Variants in SLC7A5 observed in about 807,000 individuals in gnomAD.
The protein encoded by SLC7A5 is large neutral amino acids transporter small subunit 1.
Under a neutral mutation model 50.2 loss-of-function variants are expected in SLC7A5, and 23 were observed. The observed-to-expected ratio is 0.46, with a 90% CI of 0.33 to 0.65. The LOEUF is 0.65. Among genes scored for constraint, SLC7A5 ranks in the 30% least tolerant of loss-of-function variants. SLC7A5 has a pLI of 0.02. For missense variants in SLC7A5, 578 were observed against 684.4 expected (o/e 0.84, Z 1.73); for synonymous variants, 393 against 330.6 (o/e 1.19, Z -2.05).
Position 87,841,050 on chromosome 16 carries a change from C to T in SLC7A5, c.770G>A (p.Trp257Ter). The stretch of plus-strand genomic sequence containing the variant: ...GGGACCCAGACATTCCAGAACCTAC[C>T]ATCCTCCATAGGCAAAGAGGCCGCT... ...LYSGLFAYGG[W>*]NYLNFVTEEM... is the part of the protein sequence containing the mutation. The change falls in exon 3 of 10, where the codon TGG becomes TAG. Residue 257 changes from tryptophan (W) to a stop codon, truncating the protein, a stop_gained and splice_region_variant. Transcript: ENST00000261622. LOFTEE classifies it high-confidence loss of function. The surrounding 1 kb of genome is among the most constrained non-coding windows in gnomAD (Gnocchi z 4.8). The T allele has an allele frequency of 1.2e-6, 2 of 1,608,076 alleles. No homozygotes were observed. Among genetic ancestry groups the T allele is most frequent in the Non-Finnish European group, 1.7e-6 (2 of 1,174,738 alleles).
rs1207023321 is a variant in SLC7A5 at position 87,852,673 on chromosome 16, T to C, written c.539-824A>G. On this transcript the variant is annotated intron_variant, in intron 1 of 9. Coordinates refer to ENST00000261622, the MANE Select transcript of SLC7A5 (RefSeq NM_003486.7). This position sits in a 1 kb window ranked among gnomAD's most constrained non-coding sequence, Gnocchi z 4.5. ...GTGTGTGTGTGTGTGTGTGTGTGTG[T>C]GTGTGTGTGTGTGTTGGGGGTTCTG... Among the ~76,000 whole-genome samples the C allele has an allele frequency of 2.3e-3, 339 of 150,156 alleles. 1 individual carries two copies. Among genetic ancestry groups the C allele is most frequent in the African/African-American group, 8.3e-3 (336 of 40,548 alleles).
intron 2 of SLC7A5, among the ~76,000 whole-genome samples, chr16:87,845,562 G>A (rs1334107343): frequency 8.2e-6 from 1 of 121,596 alleles, no homozygotes; most frequent in Admixed American, 8.3e-5. Flanking sequence ...GCCCACCCTA[G>A]GCCACGGCGC....
chr16:87,838,291 CTTTT>C (rs58144270), intron 6 of SLC7A5, among the ~76,000 whole-genome samples: 12 of 120,066 alleles, frequency 1.0e-4, no homozygotes, highest in African/African-American at 3.5e-4. Flanking sequence ...TTGCTGCTGC[CTTTT>C]TTTTTTTTTT....
rs573742855 is a variant in SLC7A5, at chr16:87,858,772, G to A, written c.539-6923C>T. On this transcript the variant is annotated intron_variant, in intron 1 of 9. Transcript: ENST00000261622. ...AAGCCAGTCCAACTCAACAGCAAGC[G>A]GAAGCAAATACCACACAATGAACTC... Among the ~76,000 whole-genome samples, 14 of 152,264 alleles carry A rather than the reference G, an allele frequency of 9.2e-5. No homozygotes were observed. The South Asian group carries it at 1.2e-3, about 14-fold the overall frequency.
chr16:87,846,220 G>A (rs2055152438), intron 2 of SLC7A5, among the ~76,000 whole-genome samples: 2 of 152,220 alleles, frequency 1.3e-5, no homozygotes, highest in African/African-American at 4.8e-5. Flanking sequence ...GTCTGTCCCT[G>A]CATGACCCTG....
At chr16:87,857,560 G>A (rs1222118544) in intron 1 of SLC7A5, among the ~76,000 whole-genome samples, 1 of 152,246 alleles carries the variant, frequency 6.6e-6, no homozygotes, top group East Asian at 1.9e-4. Flanking sequence ...TGGGATTACA[G>A]GCGTGAGCCA....
Position 87,836,540 on chromosome 16 carries a change from G to A in SLC7A5, c.1248C>T (p.Ile416=). The A allele has an allele frequency of 1.2e-6, 2 of 1,613,380 alleles. No individual in the cohort carries two copies. The highest frequency in any genetic ancestry group is 1.3e-5 in the African/African-American group (1 of 75,084). ...GCTCAGGCTTTCTGTGGCGCAGCCA[G>A]ATCATGCCGATGATGGCCAGGGCCA... ...LCVALAIIGM[I]WLRHRKPELE... Residue 416 remains isoleucine (I), a synonymous_variant, in exon 8 of 10, where the codon ATC becomes ATT. Coordinates refer to ENST00000261622, the MANE Select transcript of SLC7A5 (RefSeq NM_003486.7).
At position 87,836,386 on chromosome 16, in the gene SLC7A5, G is replaced by C. The variant is rs572700470; in HGVS notation, c.1290+112C>G. The stretch of plus-strand genomic sequence containing the variant: ...AGTCGACCCAGGTGCATGCAGGCAG[G>C]GGCAGGTCCAGAGGCTGAGCTGGGA... On this transcript the variant is annotated intron_variant, in intron 8 of 9. Coordinates refer to ENST00000261622, the MANE Select transcript of SLC7A5 (RefSeq NM_003486.7). 168 of 1,232,482 alleles carry C rather than the reference G, an allele frequency of 1.4e-4. 2 individuals are homozygous for C. In the South Asian group the frequency reaches 2.0e-3, roughly 15 times the overall value. 76.3% of individuals were successfully genotyped at this position (1,232,482 alleles called of 1,614,324 possible). A position where few individuals can be genotyped will look rare whatever the true frequency, so the allele number is the denominator to read the frequency against.
At chr16:87,863,936 C>T (rs2055428034) in intron 1 of SLC7A5, among the ~76,000 whole-genome samples, 1 of 144,974 alleles carries the variant, frequency 6.9e-6, no homozygotes, top group Non-Finnish European at 1.5e-5. Flanking sequence ...TGCCCTTTCC[C>T]TTCCTAAGCA....
At chr16:87,865,500 G>A (rs1343571353) in intron 1 of SLC7A5, among the ~76,000 whole-genome samples, 2 of 151,916 alleles carry the variant, frequency 1.3e-5, no homozygotes, top group Admixed American at 6.6e-5. Flanking sequence ...CCTGAGGTCA[G>A]GAGTTCAAGA....
At chr16:87,836,963 G>A (rs191447774) in intron 7 of SLC7A5, among the ~76,000 whole-genome samples, 1 of 152,208 alleles carries the variant, frequency 6.6e-6, no homozygotes, top group Non-Finnish European at 1.5e-5. Flanking sequence ...ATACACAGCT[G>A]GGCTCTGCTG....
Position 87,869,030 on chromosome 16 carries a change from G to C in SLC7A5, c.393C>G (p.Leu131=), listed in dbSNP as rs1282756104. The stretch of plus-strand genomic sequence containing the variant: ...TGATGAGCAGCTCGATCCAGAGCTT[G>C]AGGAAGGCGGGCAGCGAGCCGTAGA... ...LEVYGSLPAF[L]KLWIELLIIR... is the part of the protein sequence containing the mutation. Residue 131 remains leucine (L), a synonymous_variant, in exon 1 of 10, where the codon CTC becomes CTG. Transcript: ENST00000261622. 6 of 1,611,636 alleles carry C rather than the reference G, an allele frequency of 3.7e-6. No homozygotes were observed. Among genetic ancestry groups the C allele is most frequent in the Non-Finnish European group, 4.2e-6 (5 of 1,179,828 alleles).
rs891963312 is a variant in SLC7A5, at chr16:87,833,567, A to G, written c.1469-542T>C. Among the ~76,000 whole-genome samples, 1 of 152,202 alleles carries G rather than the reference A, an allele frequency of 6.6e-6. No individual in the cohort carries two copies. The highest frequency in any genetic ancestry group is 2.4e-5 in the African/African-American group (1 of 41,464). ...CTCTTGGTGTCCTGAATGACAGTTA[A>G]TGCAGATCCCACTGCAAAGCTTGAG... On this transcript the variant is annotated intron_variant, in intron 9 of 9. Transcript: ENST00000261622. This position sits in a 1 kb window ranked among gnomAD's most constrained non-coding sequence, Gnocchi z 6.0.
At position 87,860,341 on chromosome 16, in the gene SLC7A5, T is replaced by TACACACAC. The variant is rs370835904; in HGVS notation, c.539-8500_539-8493dup. On this transcript the variant is annotated intron_variant, in intron 1 of 9. Coordinates refer to ENST00000261622, the MANE Select transcript of SLC7A5 (RefSeq NM_003486.7). The surrounding 1 kb of genome is among the most constrained non-coding windows in gnomAD (Gnocchi z 4.8). ...AAAGCATCTCAAAAAAAAAAAAAAA[T>TACACACAC]ACACACACACACACACACACACACA... Among the ~76,000 whole-genome samples, 41 of 86,180 alleles carry TACACACAC rather than the reference T, an allele frequency of 4.8e-4. 1 individual carries two copies. Among genetic ancestry groups the TACACACAC allele is most frequent in the East Asian group, 1.1e-3 (3 of 2,816 alleles). 56.5% of individuals were successfully genotyped at this position (86,180 alleles called of 152,430 possible). A position where few individuals can be genotyped will look rare whatever the true frequency, so the allele number is the denominator to read the frequency against.
intron 9 of SLC7A5, among the ~76,000 whole-genome samples, 175 bp downstream of exon 9, chr16:87,834,238 TG>T (rs1219810004): frequency 6.6e-6 from 1 of 152,222 alleles, no homozygotes; most frequent in Non-Finnish European, 1.5e-5. Context: ...CTGCGCTGTG[TG>T]TCTTATCCCT....
intron 1 of SLC7A5, among the ~76,000 whole-genome samples, chr16:87,864,460 C>A (rs900337492): frequency 7.9e-5 from 12 of 152,196 alleles, no homozygotes; most frequent in African/African-American, 2.9e-4. Flanking sequence ...CTGCACCTGT[C>A]AGAAGCCCCC....
At chr16:87,840,355 G>C in intron 4 of SLC7A5, 74 bp downstream of exon 4, 1 of 1,323,108 alleles carries the variant, frequency 7.6e-7, no homozygotes, top group South Asian at 1.2e-5. Context: ...AACAGGCTTC[G>C]AGTGGAATGT....
rs114148629 is a variant in SLC7A5, at chr16:87,867,218, C to T, written c.538+1667G>A. Among the ~76,000 whole-genome samples, 1,519 of 152,364 alleles carry T rather than the reference C, an allele frequency of 1.0e-2. 33 individuals carry two copies. The highest frequency in any genetic ancestry group is 0.035 in the African/African-American group (1,445 of 41,586). ...TATAGGCGTGGGCCATCACACCCAG[C>T]CAACCAGGGGTTCATTTTTTAAAGA... On this transcript the variant is annotated intron_variant, in intron 1 of 9. Transcript: ENST00000261622.
intron 4 of SLC7A5, 113 bp from the exon 5 acceptor site, chr16:87,839,938 G>T: frequency 2.1e-6 from 3 of 1,410,944 alleles, no homozygotes; most frequent in Non-Finnish European, 2.0e-6. Flanking sequence ...CTCTGTGCTG[G>T]GCTTCTCGGG....
Sources: gnomAD v4.1 joint callset for allele counts (sites outside exome capture counted in the v4.1 genomes callset) on GRCh38, gnomAD v4.1.1 for gene constraint, Gnocchi (gnomAD v3.1) non-coding constraint, MANE v1.5 for transcripts, NCBI Gene and HGNC (gene_info 2026-07-23, HGNC 2026-07-21) for gene names.